CERS3: variants seen among roughly 807,000 people sequenced by gnomAD.
CERS3 encodes the protein LAG1 homolog, ceramide synthase 3.
Under a neutral mutation model 50.3 loss-of-function variants are expected in CERS3, and 33 were observed. The ratio of observed to expected loss-of-function variants is 0.66; its 90% confidence interval spans 0.50 to 0.88. The LOEUF is 0.88. CERS3 is among the 40% of genes least tolerant of loss of function. The pLI is 0.00. For synonymous variants in CERS3, 176 were observed against 155.2 expected (o/e 1.13, Z -0.99); for missense variants, 470 against 460.3 (o/e 1.02, Z -0.19).
At chr15:100,434,497 T>A (rs1049225442) in intron 11 of CERS3, among the ~76,000 whole-genome samples, 1 of 150,496 alleles carries the variant, frequency 6.6e-6, no homozygotes, top group Non-Finnish European at 1.5e-5. Flanking sequence ...TAATTTCTTT[T>A]ACCCACATCT....
chr15:100,541,019 C>T (rs1030580898), intron 1 of CERS3, among the ~76,000 whole-genome samples: 4 of 152,168 alleles, frequency 2.6e-5, no homozygotes, highest in East Asian at 1.9e-4. Context: ...AGGCAGATAC[C>T]GTCCCTGCTT....
chr15:100,415,939 T>A (rs1264183923), intron 11 of CERS3, among the ~76,000 whole-genome samples: 1 of 129,686 alleles, frequency 7.7e-6, no homozygotes, highest in South Asian at 2.5e-4. Context: ...TGCATCTGTA[T>A]CCTGCAACTT....
chr15:100,416,616 C>A (rs1011170922), intron 11 of CERS3, among the ~76,000 whole-genome samples: 1 of 152,142 alleles, frequency 6.6e-6, no homozygotes, highest in African/African-American at 2.4e-5. Flanking sequence ...CTTCACATGG[C>A]AGCAGGAGAG....
intron 1 of CERS3, among the ~76,000 whole-genome samples, chr15:100,535,067 C>T (rs1442344751): frequency 6.6e-6 from 1 of 152,198 alleles, no homozygotes; most frequent in African/African-American, 2.4e-5. Context: ...GCCCCTACCA[C>T]CTTGGGCACA....
At chr15:100,411,977 T>A (rs552917775) in intron 11 of CERS3, among the ~76,000 whole-genome samples, 21 of 152,362 alleles carry the variant, frequency 1.4e-4, no homozygotes, top group Middle Eastern at 3.4e-3. Context: ...TTGTTGCTGC[T>A]GAGTTTCAGA....
Position 100,463,807 on chromosome 15 carries a change from G to A in CERS3, c.845+5571C>T, listed in dbSNP as rs920756102. On this transcript the variant is annotated intron_variant, in intron 10 of 11. Transcript: ENST00000679737. The stretch of plus-strand genomic sequence containing the variant: ...TACCTTCCTTTTCTTTGCTGGTTGC[G>A]CAAACGGCACTAAGCTGACCATGGT... 5.9e-5 allele frequency among the ~76,000 whole-genome samples: 9 copies of A among 152,254 alleles called. No individual in the cohort carries two copies. The South Asian group carries it at 6.2e-4, about 11-fold the overall frequency.
chr15:100,485,679 T>C (rs946685342), intron 4 of CERS3, among the ~76,000 whole-genome samples: 1 of 151,898 alleles, frequency 6.6e-6, no homozygotes, highest in Admixed American at 6.6e-5. Flanking sequence ...GCCTGGCCAA[T>C]ATGGTGAAAC....
intron 11 of CERS3, among the ~76,000 whole-genome samples, chr15:100,450,223 AT>A (rs1235817257): frequency 6.6e-6 from 1 of 152,080 alleles, no homozygotes; most frequent in African/African-American, 2.4e-5. Context: ...GACCAAAACC[AT>A]TCTGGCCAAC....
intron 11 of CERS3, among the ~76,000 whole-genome samples, chr15:100,437,090 C>G (rs182893360): frequency 6.6e-6 from 1 of 151,814 alleles, no homozygotes; most frequent in Non-Finnish European, 1.5e-5. Flanking sequence ...ACTACAGGTG[C>G]GCTCCACCAT....
intron 1 of CERS3, among the ~76,000 whole-genome samples, chr15:100,522,397 T>C (rs74042221): frequency 0.023 from 3,468 of 152,320 alleles, 153 homozygotes; most frequent in African/African-American, 0.079. Context: ...CACTGCTGTA[T>C]TGTTACTGTA....
intron 11 of CERS3, among the ~76,000 whole-genome samples, chr15:100,422,928 A>C (rs1026740980): frequency 1.6e-5 from 1 of 61,374 alleles, no homozygotes; most frequent in African/African-American, 6.7e-5. Flanking sequence ...CACTCTGGGG[A>C]CTGTTGTGGG....
chr15:100,442,009 A>G (rs895336366), intron 11 of CERS3, among the ~76,000 whole-genome samples: 4 of 150,964 alleles, frequency 2.6e-5, no homozygotes, highest in African/African-American at 4.9e-5. Context: ...TACTTATATC[A>G]CCTCCCCTCC....
intron 11 of CERS3, among the ~76,000 whole-genome samples, chr15:100,450,554 CAT>C (rs1363723032): frequency 5.3e-5 from 8 of 151,352 alleles, no homozygotes; most frequent in Admixed American, 4.6e-4. Context: ...GCCTACAGGA[CAT>C]ATGGGACACT....
intron 9 of CERS3, among the ~76,000 whole-genome samples, chr15:100,471,217 A>G (rs2034957355): frequency 6.6e-6 from 1 of 152,150 alleles, no homozygotes; most frequent in Non-Finnish European, 1.5e-5. Context: ...AAGATTGGAC[A>G]GTTCATTTTT....
rs7170397 is a variant in CERS3 at position 100,463,835 on chromosome 15, C to T, written c.845+5543G>A. On this transcript the variant is annotated intron_variant, in intron 10 of 11. Coordinates refer to ENST00000679737, the MANE Select transcript of CERS3 (RefSeq NM_001378789.1). ...AACGGCACTAAGCTGACCATGGTGC[C>T]ATCAGAACCGATGCTCTGCCCTCTG... 4.2e-3 allele frequency among the ~76,000 whole-genome samples: 642 copies of T among 152,288 alleles called. 6 individuals carry two copies. The highest frequency in any genetic ancestry group is 0.015 in the African/African-American group (615 of 41,550).
At chr15:100,517,622 G>C (rs895322042) in intron 2 of CERS3, among the ~76,000 whole-genome samples, 1 of 152,192 alleles carries the variant, frequency 6.6e-6, no homozygotes, top group South Asian at 2.1e-4. Context: ...AAAGGATTTG[G>C]GGTTACTAAG....
intron 2 of CERS3, among the ~76,000 whole-genome samples, chr15:100,506,461 A>G (rs1191962636): frequency 9.9e-5 from 3 of 30,442 alleles, no homozygotes; most frequent in East Asian, 1.0e-3. Context: ...AGAAATCGGG[A>G]CCCCCCCGCC....
At chr15:100,518,329 CAG>C (rs1416046439) in intron 2 of CERS3, among the ~76,000 whole-genome samples, 2 of 151,748 alleles carry the variant, frequency 1.3e-5, no homozygotes, top group Non-Finnish European at 2.9e-5. Flanking sequence ...GACAGGGACA[CAG>C]AGAGAGAGAA....
chr15:100,482,277 C>G (rs1352766515), intron 5 of CERS3, among the ~76,000 whole-genome samples: 3 of 152,044 alleles, frequency 2.0e-5, no homozygotes, highest in South Asian at 2.1e-4. Context: ...ACTGAAAAGC[C>G]ATTCAGAAAC....
Sources: allele counts gnomAD v4.1 joint callset (sites outside exome capture counted in the v4.1 genomes callset), GRCh38; gene constraint gnomAD v4.1.1; transcripts MANE v1.5; gene names NCBI Gene and HGNC (gene_info 2026-07-23, HGNC 2026-07-21).